The following KCNQ1 variants were observed in gnomAD, a reference collection of about 807,000 sequenced individuals.
KCNQ1 encodes the protein potassium voltage-gated channel subfamily Q member 1, also known as potassium voltage-gated channel subfamily KQT member 1.
In KCNQ1, 49 loss-of-function variants were observed where a neutral mutation model predicts 72.4. The observed-to-expected ratio is 0.68, with a 90% confidence interval of 0.54 to 0.86. The LOEUF is 0.86. KCNQ1 is among the 40% of genes least tolerant of loss of function. The probability of loss-of-function intolerance (pLI) is 0.00; values close to 1 mark genes in which losing one functional copy is unlikely to be tolerated. For synonymous variants in KCNQ1, 450 were observed against 412.6 expected (o/e 1.09, Z -1.10); for missense variants, 790 against 945.1 (o/e 0.84, Z 2.15).
In KCNQ1 at chr11:2,475,064, G is replaced by A. The variant is rs1043275388; in HGVS notation, c.386+29580G>A. On this transcript the variant is annotated intron_variant, in intron 1 of 15. Coordinates refer to ENST00000155840, the MANE Select transcript of KCNQ1 (RefSeq NM_000218.3). This position sits in a 1 kb window ranked among gnomAD's most constrained non-coding sequence, Gnocchi z 5.8. Reference sequence around the variant, plus strand: ...ATGTTTCATGGTCTTCGGTTTACTCGCAGTGCTAGGCGTCCGACACGTCTT... The same window carrying A: ...ATGTTTCATGGTCTTCGGTTTACTCACAGTGCTAGGCGTCCGACACGTCTT... 2.6e-5 allele frequency among the ~76,000 whole-genome samples: 4 copies of A among 152,152 alleles called. No individual in the cohort carries two copies. Among genetic ancestry groups the A allele is most frequent in the Non-Finnish European group, 5.9e-5 (4 of 68,030 alleles).
intron 6 of KCNQ1, among the ~76,000 whole-genome samples, chr11:2,577,485 G>A (rs1308134586): frequency 9.2e-5 from 14 of 152,234 alleles, no homozygotes; most frequent in African/African-American, 2.9e-4. Flanking sequence ...GGGTGCCATG[G>A]GGGTGTTGAC....
intron 15 of KCNQ1, among the ~76,000 whole-genome samples, chr11:2,845,591 C>G (rs1288022744): frequency 1.3e-5 from 2 of 152,346 alleles, no homozygotes; most frequent in African/African-American, 4.8e-5. Flanking sequence ...AAACATGGGG[C>G]TCCCTCTGGC....
At chr11:2,847,624 C>T (rs973655499) in intron 15 of KCNQ1, 143 bp from the exon 16 acceptor site, 8 of 739,408 alleles carry the variant, frequency 1.1e-5, no homozygotes, top group East Asian at 1.1e-4. Flanking sequence ...AGGGTGCACA[C>T]GTGCGTGCCG....
chr11:2,675,603 T>TC, intron 11 of KCNQ1: 2 of 398,636 alleles, frequency 5.0e-6, no homozygotes, highest in African/African-American at 4.1e-5. Context: ...CAATTGCTCC[T>TC]CAGATAGGGT....
rs536570171 is a variant in KCNQ1 at position 2,453,377 on chromosome 11, GA to G, written c.386+7904del. On this transcript the variant is annotated intron_variant, in intron 1 of 15. Transcript: ENST00000155840. Reference sequence around the variant, plus strand: ...AATAAGAGTGAAATTCCATCTCAGGGAAAAAAAAAAATCTTAATGGGAAACA... The same window carrying G: ...AATAAGAGTGAAATTCCATCTCAGGGAAAAAAAAAATCTTAATGGGAAACA... Among the ~76,000 whole-genome samples the G allele has an allele frequency of 1.8e-3, 247 of 139,644 alleles. 1 individual carries two copies. Among genetic ancestry groups the G allele is most frequent in the South Asian group, 0.015 (67 of 4,424 alleles). 91.6% of individuals were successfully genotyped at this position (139,644 alleles called of 152,430 possible). A position where few individuals can be genotyped will look rare whatever the true frequency, so the allele number is the denominator to read the frequency against.
chr11:2,800,238 C>T (rs982794999), intron 15 of KCNQ1, among the ~76,000 whole-genome samples: 2 of 152,254 alleles, frequency 1.3e-5, no homozygotes, highest in African/African-American at 4.8e-5. Flanking sequence ...CCTGCTCCAT[C>T]CCAGTGGCCT....
intron 2 of KCNQ1, among the ~76,000 whole-genome samples, chr11:2,568,854 C>T (rs1446837694): frequency 6.6e-6 from 1 of 152,126 alleles, no homozygotes; most frequent in Non-Finnish European, 1.5e-5. Flanking sequence ...CAGGTGTCCA[C>T]ACCTTTTGTT....
At chr11:2,742,897 G>A (rs1230396295) in intron 11 of KCNQ1, among the ~76,000 whole-genome samples, 1 of 152,230 alleles carries the variant, frequency 6.6e-6, no homozygotes, top group Non-Finnish European at 1.5e-5. Context: ...CACACCTGTG[G>A]TGTGGCAGCC....
At chr11:2,561,795 A>T (rs1371612744) in intron 2 of KCNQ1, among the ~76,000 whole-genome samples, 7 of 152,176 alleles carry the variant, frequency 4.6e-5, no homozygotes, top group Admixed American at 3.3e-4. Flanking sequence ...CTAGCTGTGC[A>T]GGGGCCCAGA....
At chr11:2,531,272 C>T (rs1211175346) in intron 2 of KCNQ1, among the ~76,000 whole-genome samples, 3 of 123,870 alleles carry the variant, frequency 2.4e-5, no homozygotes, top group African/African-American at 3.6e-5. Context: ...GCCCTGGGCT[C>T]CACATGCCCG....
chr11:2,790,613 T>C (rs1200844751), intron 15 of KCNQ1, among the ~76,000 whole-genome samples: 4 of 152,220 alleles, frequency 2.6e-5, no homozygotes, highest in Admixed American at 1.3e-4. Flanking sequence ...GTGCAAGCTC[T>C]GCCCCCTACA....
Position 2,783,757 on chromosome 11 carries a change from G to A in KCNQ1, c.1794+5720G>A, listed in dbSNP as rs925695283. The stretch of plus-strand genomic sequence containing the variant: ...CATTTCCCTAATGACTAATGATGTT[G>A]AGCCACTTTTCATGTGCTTATTAGC... On this transcript the variant is annotated intron_variant, in intron 15 of 15. Transcript: ENST00000155840. The surrounding 1 kb of genome is among the most constrained non-coding windows in gnomAD (Gnocchi z 5.2). Among the ~76,000 whole-genome samples the A allele has an allele frequency of 2.7e-4, 41 of 152,094 alleles. No individual in the cohort carries two copies. The highest frequency in any genetic ancestry group is 9.9e-4 in the African/African-American group (41 of 41,530).
At chr11:2,681,326 A>C in intron 11 of KCNQ1, 1 of 398,412 alleles carries the variant, frequency 2.5e-6, no homozygotes, top group Non-Finnish European at 4.4e-6. Flanking sequence ...TCTCTCTCCA[A>C]CTGTGACCGT....
intron 15 of KCNQ1, among the ~76,000 whole-genome samples, chr11:2,843,992 C>T (rs1048988836): frequency 3.9e-5 from 6 of 152,236 alleles, no homozygotes; most frequent in Non-Finnish European, 8.8e-5. Flanking sequence ...GTGCCTAGAG[C>T]ATGCACTGCC....
At chr11:2,596,660 A>T (rs1347999819) in intron 10 of KCNQ1, among the ~76,000 whole-genome samples, 7 of 152,066 alleles carry the variant, frequency 4.6e-5, no homozygotes, top group Non-Finnish European at 1.5e-5. Flanking sequence ...ATAGAGTGAC[A>T]AACAAGTCAG....
intron 11 of KCNQ1, among the ~76,000 whole-genome samples, chr11:2,700,390 G>A (rs758635625): frequency 1.3e-5 from 2 of 152,172 alleles, no homozygotes; most frequent in Admixed American, 6.5e-5. Context: ...CGGGGTGACC[G>A]CGTGAGGACA....
chr11:2,596,782 A>G (rs7936654), intron 10 of KCNQ1, among the ~76,000 whole-genome samples: 31,453 of 151,882 alleles, frequency 0.21, 4,367 homozygotes, highest in African/African-American at 0.36. Flanking sequence ...AATCATGGCG[A>G]TGGTTTCATC....
intron 10 of KCNQ1, chr11:2,615,755 C>A (rs1188881771): frequency 2.5e-6 from 1 of 397,716 alleles, no homozygotes; most frequent in African/African-American, 2.1e-5. Context: ...ATATATAATC[C>A]TTTTTAATAT....
chr11:2,618,399 T>C (rs2133800381), intron 10 of KCNQ1: 1 of 398,606 alleles, frequency 2.5e-6, no homozygotes, highest in Middle Eastern at 6.3e-4. Flanking sequence ...ATGTGGTCTG[T>C]GGGCCATGGG....
Sources: gnomAD v4.1 joint callset for allele counts (sites outside exome capture counted in the v4.1 genomes callset) on GRCh38, gnomAD v4.1.1 for gene constraint, Gnocchi (gnomAD v3.1) non-coding constraint, MANE v1.5 for transcripts, NCBI Gene and HGNC (gene_info 2026-07-23, HGNC 2026-07-21) for gene names.